KHDRBS3: variants seen among roughly 807,000 people sequenced by gnomAD.
KHDRBS3 encodes KH RNA binding domain containing, signal transduction associated 3, also known as KH domain-containing, RNA-binding, signal transduction-associated protein 3.
Under a neutral mutation model 45.6 loss-of-function variants are expected in KHDRBS3, and 23 were observed. That is an observed-to-expected ratio of 0.50 (90% CI 0.36 to 0.72). KHDRBS3 has a LOEUF of 0.72. Ranked by LOEUF, KHDRBS3 falls within the 30% of genes least tolerant of loss-of-function variation. KHDRBS3 has a pLI of 0.00. For missense variants in KHDRBS3, 352 were observed against 424.8 expected (o/e 0.83, Z 1.51); for synonymous variants, 162 against 156.5 (o/e 1.04, Z -0.26).
chr8:135,559,743 A>G (rs1387729144), intron 5 of KHDRBS3, among the ~76,000 whole-genome samples: 8 of 152,196 alleles, frequency 5.3e-5, no homozygotes, highest in Admixed American at 5.2e-4. Context: ...GTTTATTTGT[A>G]AATGCAGATA....
intron 7 of KHDRBS3, among the ~76,000 whole-genome samples, chr8:135,629,833 A>G (rs753739201): frequency 2.0e-5 from 3 of 152,208 alleles, no homozygotes; most frequent in Non-Finnish European, 2.9e-5. Context: ...TAGGAGAGCA[A>G]ATGCTCCAAC....
At chr8:135,551,987 C>A (rs181107257) in intron 4 of KHDRBS3, among the ~76,000 whole-genome samples, 1 of 152,278 alleles carries the variant, frequency 6.6e-6, no homozygotes, top group East Asian at 1.9e-4. Flanking sequence ...CTGCTACCTT[C>A]TGACCTCTGT....
At chr8:135,622,154 GTCTT>G (rs1022878336) in intron 7 of KHDRBS3, among the ~76,000 whole-genome samples, 1 of 152,212 alleles carries the variant, frequency 6.6e-6, no homozygotes. Context: ...ATCAATGTCT[GTCTT>G]CTTTTTTCAA....
intron 4 of KHDRBS3, among the ~76,000 whole-genome samples, chr8:135,553,868 C>T (rs1206899177): frequency 1.3e-5 from 2 of 152,118 alleles, no homozygotes; most frequent in African/African-American, 4.8e-5. Flanking sequence ...TTTCACTTTT[C>T]AGACGGGGAG....
At chr8:135,535,786 G>A (rs2130735991) in intron 2 of KHDRBS3, among the ~76,000 whole-genome samples, 1 of 152,232 alleles carries the variant, frequency 6.6e-6, no homozygotes, top group South Asian at 2.1e-4. Context: ...TCACAGTTCT[G>A]GAGGCTGGGA....
intron 7 of KHDRBS3, chr8:135,626,105 TA>T: frequency 2.0e-6 from 1 of 505,784 alleles, no homozygotes; most frequent in Non-Finnish European, 3.5e-6. Flanking sequence ...AGGACTCATT[TA>T]AAAAGGACTT....
Position 135,517,050 on chromosome 8 carries a change from G to A in KHDRBS3, c.89-4187G>A, listed in dbSNP as rs564102176. On this transcript the variant is annotated intron_variant, in intron 1 of 8. Coordinates refer to ENST00000355849, the MANE Select transcript of KHDRBS3 (RefSeq NM_006558.3). ...AAGAGGCCATTGCTTAGGAAGTTCT[G>A]TACTAGACCAAAGCAAAACAAATGA... Among the ~76,000 whole-genome samples the A allele has an allele frequency of 6.6e-5, 10 of 152,192 alleles. No homozygotes were observed. The East Asian group carries it at 1.9e-3, about 29-fold the overall frequency.
chr8:135,619,177 A>G (rs1244191230), intron 7 of KHDRBS3, among the ~76,000 whole-genome samples: 3 of 152,206 alleles, frequency 2.0e-5, no homozygotes, highest in Non-Finnish European at 2.9e-5. Flanking sequence ...TAGGAAAATA[A>G]TCATTAAAAC....
rs1327469682 is a variant in KHDRBS3 at position 135,536,764 on chromosome 8, TCC to T, written c.208-5889_208-5888del. ...TCATGAGGTCAGGAGATCGAGACCATCCTGGCTAACAAGGTGAAACCCCGTCT... is the reference window on the plus strand; with the variant it reads ...TCATGAGGTCAGGAGATCGAGACCATTGGCTAACAAGGTGAAACCCCGTCT... On this transcript the variant is annotated intron_variant, in intron 2 of 8. Transcript: ENST00000355849. Among the ~76,000 whole-genome samples the T allele has an allele frequency of 9.3e-5, 14 of 150,282 alleles. No homozygotes were observed. In the South Asian group the frequency reaches 3.0e-3, roughly 32 times the overall value.
intron 1 of KHDRBS3, among the ~76,000 whole-genome samples, chr8:135,512,694 A>G (rs1056041034): frequency 6.6e-6 from 1 of 152,226 alleles, no homozygotes; most frequent in Non-Finnish European, 1.5e-5. Flanking sequence ...TTGTGCAGCC[A>G]TTATCCTAAA....
At chr8:135,631,442 A>G (rs1830598950) in intron 7 of KHDRBS3, among the ~76,000 whole-genome samples, 1 of 152,076 alleles carries the variant, frequency 6.6e-6, no homozygotes, top group East Asian at 1.9e-4. Flanking sequence ...TCTGTTTTTA[A>G]ACTAATGTTT....
intron 1 of KHDRBS3, among the ~76,000 whole-genome samples, chr8:135,503,253 G>A (rs1823823352): frequency 6.6e-6 from 1 of 152,176 alleles, no homozygotes; most frequent in Non-Finnish European, 1.5e-5. Context: ...ACATTTTTCT[G>A]TAGACCTTGG....
At chr8:135,586,772 C>G (rs565395459) in intron 6 of KHDRBS3, among the ~76,000 whole-genome samples, 66 of 152,212 alleles carry the variant, frequency 4.3e-4, no homozygotes, top group African/African-American at 1.6e-3. Context: ...CAAACCAACT[C>G]AGTTTACTTT....
At chr8:135,506,851 T>G (rs924964599) in intron 1 of KHDRBS3, among the ~76,000 whole-genome samples, 2 of 151,894 alleles carry the variant, frequency 1.3e-5, no homozygotes, top group African/African-American at 4.8e-5. Context: ...TACTGACAAA[T>G]CTAACCCTTT....
rs139384396 is a variant in KHDRBS3 at position 135,458,182 on chromosome 8, G to C, written c.88+228G>C. 4.3e-4 allele frequency: 568 copies of C among 1,314,196 alleles called. 3 individuals carry two copies. In the African/African-American group the frequency reaches 8.5e-3, roughly 20 times the overall value. The allele number at this position is 1,314,196 out of a possible 1,614,324, so 81.4% of individuals were successfully genotyped here. ...TTGGAAGGAGAAGGCTGGGGCGCAT[G>C]GGTGAGACTTGAAGGAAATCTTTGG... On this transcript the variant is annotated intron_variant, in intron 1 of 8. Transcript: ENST00000355849.
chr8:135,544,479 G>A (rs1206424878), intron 3 of KHDRBS3, among the ~76,000 whole-genome samples: 3 of 152,136 alleles, frequency 2.0e-5, no homozygotes, highest in African/African-American at 7.2e-5. Context: ...AAGGCTGTCT[G>A]CTGTTGGCAT....
intron 7 of KHDRBS3, among the ~76,000 whole-genome samples, chr8:135,610,589 A>C (rs1016604311): frequency 6.6e-6 from 1 of 151,932 alleles, no homozygotes; most frequent in Non-Finnish European, 1.5e-5. Context: ...ATTTTAAAAC[A>C]ATGTAATATT....
At chr8:135,603,491 CT>C (rs2131012910) in intron 6 of KHDRBS3, among the ~76,000 whole-genome samples, 1 of 152,252 alleles carries the variant, frequency 6.6e-6, no homozygotes, top group Non-Finnish European at 1.5e-5. Flanking sequence ...AGTAATCTGC[CT>C]TCAGCTACTA....
intron 2 of KHDRBS3, among the ~76,000 whole-genome samples, chr8:135,530,153 G>T (rs1252438337): frequency 6.6e-6 from 1 of 152,094 alleles, no homozygotes; most frequent in African/African-American, 2.4e-5. Flanking sequence ...CATCATAGAG[G>T]ATATATCTCT....
Sources: allele counts gnomAD v4.1 joint callset (sites outside exome capture counted in the v4.1 genomes callset), GRCh38; gene constraint gnomAD v4.1.1; transcripts MANE v1.5; gene names NCBI Gene and HGNC (gene_info 2026-07-23, HGNC 2026-07-21).